COL4A3: variants seen among roughly 807,000 people sequenced by gnomAD.
COL4A3 encodes the protein collagen alpha-3(IV) chain.
In COL4A3, 135 loss-of-function variants were observed where a neutral mutation model predicts 217.4. The ratio of observed to expected loss-of-function variants is 0.62; its 90% CI spans 0.54 to 0.72. The LOEUF (loss-of-function observed/expected upper bound fraction) is 0.72. Ranked by LOEUF, COL4A3 falls within the 30% of genes least tolerant of loss-of-function variation. The pLI is 0.00. For missense variants in COL4A3, 1,868 were observed against 2,119.9 expected (o/e 0.88, Z 2.33); for synonymous variants, 690 against 736.3 (o/e 0.94, Z 1.02).
At chr2:227,257,450 A>G (rs757876143) in intron 17 of COL4A3, among the ~76,000 whole-genome samples, 153 bp from the exon 18 acceptor site, 1 of 152,238 alleles carries the variant, frequency 6.6e-6, no homozygotes, top group Non-Finnish European at 1.5e-5. Context: ...CTCCAGGAAA[A>G]TAATTTAAAG....
chr2:227,242,266 A>G (rs1207628117), intron 3 of COL4A3, among the ~76,000 whole-genome samples: 1 of 152,122 alleles, frequency 6.6e-6, no homozygotes, highest in Non-Finnish European at 1.5e-5. Flanking sequence ...AACTCATGGG[A>G]ACATTTATCA....
chr2:227,183,279 A>C (rs932850245), intron 1 of COL4A3, among the ~76,000 whole-genome samples: 3 of 152,218 alleles, frequency 2.0e-5, no homozygotes, highest in Non-Finnish European at 4.4e-5. Context: ...ATGACCTCCC[A>C]CACTCTCATT....
In COL4A3 at chr2:227,307,329, C is replaced by T. The variant is rs76585561; in HGVS notation, c.4253-381C>T. 1.2e-3 allele frequency among the ~76,000 whole-genome samples: 190 copies of T among 152,266 alleles called. 1 individual carries two copies. The highest frequency in any genetic ancestry group is 4.4e-3 in the African/African-American group (183 of 41,548). On this transcript the variant is annotated intron_variant, in intron 47 of 51. Transcript: ENST00000396578. ...CCATAAGTAATTTTTGTTATCTACT[C>T]GAATAGACTAAGTTGTAGATATTTG... is the stretch of plus-strand genomic sequence containing the variant.
intron 1 of COL4A3, among the ~76,000 whole-genome samples, chr2:227,198,883 A>G (rs557130002): frequency 6.6e-6 from 1 of 152,332 alleles, no homozygotes; most frequent in African/African-American, 2.4e-5. Context: ...TAGGGTTTTT[A>G]GCAGGGAATC....
At chr2:227,226,654 G>C (rs931837499) in intron 1 of COL4A3, among the ~76,000 whole-genome samples, 3 of 152,156 alleles carry the variant, frequency 2.0e-5, no homozygotes, top group Non-Finnish European at 2.9e-5. Flanking sequence ...ATTTTTAGTA[G>C]AGACGGGGTT....
At chr2:227,197,739 G>A (rs1212227662) in intron 1 of COL4A3, among the ~76,000 whole-genome samples, 1 of 152,190 alleles carries the variant, frequency 6.6e-6, no homozygotes. Context: ...GGAAACAAGA[G>A]GATAAGCAGA....
chr2:227,253,591 C>T lies in COL4A3; in HGVS notation c.718C>T (p.Pro240Ser). Reference protein sequence around the residue: ...GVKGLTGPPGPPGTVIVTLTG... With the variant: ...GVKGLTGPPGSPGTVIVTLTG... ...GAAAGGGTTAACAGGACCCCCGGGA[C>T]CACCAGGAACAGTTATTGTGACCCT... is the stretch of plus-strand genomic sequence containing the variant. Residue 240 changes from proline to serine, a missense_variant, in exon 13 of 52, where the codon CCA (proline) becomes TCA (serine). Coordinates refer to ENST00000396578, the MANE Select transcript of COL4A3 (RefSeq NM_000091.5). The surrounding 1 kb of genome is among the most constrained non-coding windows in gnomAD (Gnocchi z 4.4). 1 of 1,614,072 alleles carries T rather than the reference C, an allele frequency of 6.2e-7. No homozygotes were observed.
chr2:227,258,523 G>A (rs1218364066), intron 18 of COL4A3, among the ~76,000 whole-genome samples: 2 of 152,226 alleles, frequency 1.3e-5, no homozygotes, highest in African/African-American at 4.8e-5. Flanking sequence ...AGGCTGGGAA[G>A]TCCAAAATCA....
At chr2:227,174,924 A>G (rs139834906) in intron 1 of COL4A3, among the ~76,000 whole-genome samples, 15 of 152,344 alleles carry the variant, frequency 9.8e-5, no homozygotes, top group African/African-American at 3.6e-4. Flanking sequence ...ATCCCCAGCC[A>G]TGATGGAGTT....
Position 227,248,540 on chromosome 2 carries a change from G to A in COL4A3, c.546+20G>A. The A allele has an allele frequency of 6.3e-7, 1 of 1,577,162 alleles. No individual in the cohort carries two copies. The highest frequency in any genetic ancestry group is 1.1e-5 in the South Asian group (1 of 90,316). On this transcript the variant is annotated intron_variant, in intron 9 of 51. Coordinates refer to ENST00000396578, the MANE Select transcript of COL4A3 (RefSeq NM_000091.5). ...CCCCAGGTACAGCACTTCAGAGAAG[G>A]TCCCTATTATTCTCAGTTTTTCACT...
chr2:227,238,142 C>T (rs2068801583), intron 2 of COL4A3, 118 bp downstream of exon 2: 2 of 710,752 alleles, frequency 2.8e-6, no homozygotes, highest in Non-Finnish European at 2.5e-6. Flanking sequence ...TTTCCCAAAT[C>T]CAATGTTAAA....
chr2:227,208,862 AAG>A (rs2067205917), intron 1 of COL4A3, among the ~76,000 whole-genome samples: 1 of 151,562 alleles, frequency 6.6e-6, no homozygotes, highest in Admixed American at 6.6e-5. Context: ...AAAACAAAGA[AAG>A]AGGAGGGAGA....
intron 4 of COL4A3, 151 bp downstream of exon 4, chr2:227,244,515 G>T: frequency 2.4e-6 from 2 of 840,836 alleles, no homozygotes; most frequent in South Asian, 2.9e-5. Context: ...AGATGTCAAA[G>T]GAGTGGTTAC....
intron 8 of COL4A3, among the ~76,000 whole-genome samples, chr2:227,247,898 G>T (rs1341598418): frequency 6.6e-6 from 1 of 152,006 alleles, no homozygotes; most frequent in East Asian, 1.9e-4. Context: ...TTGGTATCTT[G>T]GGAAATGTTT....
chr2:227,235,361 GA>G (rs1376458193), intron 1 of COL4A3, among the ~76,000 whole-genome samples: 1 of 152,174 alleles, frequency 6.6e-6, no homozygotes, highest in African/African-American at 2.4e-5. Context: ...TATCTGGGAG[GA>G]AAATTGCAAT....
chr2:227,249,230 A>ATATATATTTTTTTTTTTTTTTTT, intron 9 of COL4A3, among the ~76,000 whole-genome samples: 1 of 14,692 alleles, frequency 6.8e-5, no homozygotes, highest in Non-Finnish European at 1.2e-4. Flanking sequence ...ATATATATAT[A>ATATATATTTTTTTTTTTTTTTTT]TTTTTTTTTT....
chr2:227,195,833 A>T (rs1574533241), intron 1 of COL4A3, among the ~76,000 whole-genome samples: 1 of 151,918 alleles, frequency 6.6e-6, no homozygotes. Context: ...AGAGGTGGAG[A>T]TGGAAGACAG....
chr2:227,307,169 A>T (rs1458635843), intron 47 of COL4A3, among the ~76,000 whole-genome samples: 1 of 152,224 alleles, frequency 6.6e-6, no homozygotes, highest in Non-Finnish European at 1.5e-5. Context: ...AGTGAAAAAA[A>T]AAGCCTTCTC....
At chr2:227,257,768 C>T (rs2070282258) in intron 18 of COL4A3, 124 bp downstream of exon 18, 2 of 882,660 alleles carry the variant, frequency 2.3e-6, no homozygotes, top group East Asian at 5.1e-5. Context: ...ACCTTGTTGT[C>T]AAACCAGGGC....
Sources: gnomAD v4.1 joint callset for allele counts (sites outside exome capture counted in the v4.1 genomes callset) on GRCh38, gnomAD v4.1.1 for gene constraint, Gnocchi (gnomAD v3.1) non-coding constraint, MANE v1.5 for transcripts, NCBI Gene and HGNC (gene_info 2026-07-23, HGNC 2026-07-21) for gene names.